NEK5: variants seen among roughly 807,000 people sequenced by gnomAD.
The protein encoded by NEK5 is serine/threonine-protein kinase Nek5.
In NEK5, 88 loss-of-function variants were observed where a neutral mutation model predicts 109.2. The observed-to-expected ratio is 0.81, with a 90% CI of 0.68 to 0.96. NEK5 has a LOEUF of 0.96. Among genes scored for constraint, NEK5 ranks in the 40% least tolerant of loss-of-function variants. The probability of loss-of-function intolerance (pLI) is 0.00; values close to 1 mark genes in which losing one functional copy is unlikely to be tolerated. For missense variants in NEK5, 834 were observed against 920.7 expected (o/e 0.91, Z 1.22); for synonymous variants, 283 against 299.9 (o/e 0.94, Z 0.58).
intron 20 of NEK5, among the ~76,000 whole-genome samples, chr13:52,067,676 ATTT>A (rs33986940): frequency 2.5e-5 from 3 of 120,158 alleles, no homozygotes; most frequent in Non-Finnish European, 3.3e-5. Context: ...ACACCACGTC[ATTT>A]TTTTTTTTTT....
At chr13:52,070,603 C>T (rs1954768211) in intron 20 of NEK5, among the ~76,000 whole-genome samples, 1 of 152,182 alleles carries the variant, frequency 6.6e-6, no homozygotes, top group Non-Finnish European at 1.5e-5. Flanking sequence ...CTTGCTTTTC[C>T]TTGCCTTCCA....
At chr13:52,044,104 G>A (rs1954437153) in intron 23 of NEK5, among the ~76,000 whole-genome samples, 1 of 152,174 alleles carries the variant, frequency 6.6e-6, no homozygotes, top group Non-Finnish European at 1.5e-5. Context: ...TGAAAAGAGA[G>A]ACTGGCCTAG....
chr13:52,068,176 C>G (rs1311246287), intron 20 of NEK5, among the ~76,000 whole-genome samples: 1 of 152,112 alleles, frequency 6.6e-6, no homozygotes, highest in Non-Finnish European at 1.5e-5. Context: ...CTTGGGTCCC[C>G]TCTCCACAGT....
At chr13:52,076,798 T>C (rs991039263) in intron 17 of NEK5, among the ~76,000 whole-genome samples, 1 of 152,140 alleles carries the variant, frequency 6.6e-6, no homozygotes, top group African/African-American at 2.4e-5. Flanking sequence ...ATTATCTTCA[T>C]CTTAATATTC....
chr13:52,109,433 A>G (rs1384263789), intron 7 of NEK5, among the ~76,000 whole-genome samples: 1 of 152,200 alleles, frequency 6.6e-6, no homozygotes, highest in Non-Finnish European at 1.5e-5. Context: ...CAGGCCTGAA[A>G]GGAATCAAAA....
Position 52,101,089 on chromosome 13 carries a change from T to A in NEK5, c.892+844A>T, listed in dbSNP as rs531676203. 2.0e-5 allele frequency among the ~76,000 whole-genome samples: 3 copies of A among 152,236 alleles called. No homozygotes were observed. In the South Asian group the frequency reaches 6.2e-4, roughly 32 times the overall value. ...TCTGACACACAGCTTAGCTGATTCT[T>A]GACACCAGGACTAAAATAGTTTTCT... On this transcript the variant is annotated intron_variant, in intron 11 of 23. Coordinates refer to ENST00000684899, the MANE Select transcript of NEK5 (RefSeq NM_001365552.1).
At chr13:52,116,178 C>CAAA (rs35020086) in intron 4 of NEK5, among the ~76,000 whole-genome samples, 2,846 of 115,734 alleles carry the variant, frequency 0.025, 104 homozygotes, top group Admixed American at 0.077. Flanking sequence ...AAGACTGTCT[C>CAAA]AAAAAAAAAA....
intron 17 of NEK5, among the ~76,000 whole-genome samples, chr13:52,082,495 C>T (rs1262913197): frequency 6.6e-6 from 1 of 152,112 alleles, no homozygotes; most frequent in African/African-American, 2.4e-5. Flanking sequence ...CAGGTCATTT[C>T]ACAGGTTTAA....
intron 22 of NEK5, among the ~76,000 whole-genome samples, chr13:52,058,449 C>A (rs1163165859): frequency 6.7e-6 from 1 of 150,044 alleles, no homozygotes; most frequent in Non-Finnish European, 1.5e-5. Flanking sequence ...TTGGAAAAAA[C>A]TACTTTAAAG....
At chr13:52,108,164 T>G (rs1295276728) in intron 8 of NEK5, among the ~76,000 whole-genome samples, 154 bp downstream of exon 8, 3 of 152,134 alleles carry the variant, frequency 2.0e-5, no homozygotes, top group Non-Finnish European at 4.4e-5. Flanking sequence ...CAACCCTCAG[T>G]TTGGTCCAGA....
chr13:52,061,482 A>C (rs569595567), intron 22 of NEK5, among the ~76,000 whole-genome samples: 1 of 152,356 alleles, frequency 6.6e-6, no homozygotes, highest in African/African-American at 2.4e-5. Flanking sequence ...TGGGATAGTA[A>C]TTTGAGTCCA....
At position 52,102,030 on chromosome 13, in the gene NEK5, C is replaced by G; in HGVS notation, c.811-16G>C. On this transcript the variant is annotated splice_polypyrimidine_tract_variant and intron_variant, in intron 10 of 23. Coordinates refer to ENST00000684899, the MANE Select transcript of NEK5 (RefSeq NM_001365552.1). ...CCTGAATGACCTAAAACCGAACACA[C>G]GTGTCAAGGACCTGCAACCCAAAAT... 1 of 1,612,950 alleles carries G rather than the reference C, an allele frequency of 6.2e-7. No individual in the cohort carries two copies. Among genetic ancestry groups the G allele is most frequent in the East Asian group, 2.2e-5 (1 of 44,880 alleles).
At chr13:52,079,330 C>A (rs796268296) in intron 17 of NEK5, among the ~76,000 whole-genome samples, 4 of 144,166 alleles carry the variant, frequency 2.8e-5, no homozygotes, top group Non-Finnish European at 6.2e-5. Context: ...CCTCTTTCCA[C>A]GGTCTCCCTC....
In NEK5 at chr13:52,093,333, G is replaced by A; in HGVS notation, c.1027-98C>T. On this transcript the variant is annotated intron_variant, in intron 12 of 23. Coordinates refer to ENST00000684899, the MANE Select transcript of NEK5 (RefSeq NM_001365552.1). Reference sequence around the variant, plus strand: ...CTAGCACTTTGGGAGGCTGAGGCGGGTGGATCACCTGAGGTCAGGAGTTCA... The same window carrying A: ...CTAGCACTTTGGGAGGCTGAGGCGGATGGATCACCTGAGGTCAGGAGTTCA... The A allele has an allele frequency of 3.7e-6, 3 of 812,454 alleles. No homozygotes were observed. In the East Asian group the frequency reaches 7.5e-5, roughly 20 times the overall value. 50.3% of individuals were successfully genotyped at this position (812,454 alleles called of 1,614,324 possible). A position where few individuals can be genotyped will look rare whatever the true frequency, so the allele number is the denominator to read the frequency against.
chr13:52,101,779 T>C (rs1228444197), intron 11 of NEK5, among the ~76,000 whole-genome samples, 154 bp downstream of exon 11: 2 of 152,196 alleles, frequency 1.3e-5, no homozygotes, highest in African/African-American at 2.4e-5. Flanking sequence ...CACTCACTAG[T>C]TGCCATTTGA....
chr13:52,058,490 G>A (rs1330090111), intron 22 of NEK5, among the ~76,000 whole-genome samples: 6 of 151,568 alleles, frequency 4.0e-5, no homozygotes, highest in Admixed American at 6.6e-5. Flanking sequence ...AGCCTGCATC[G>A]CCAAGTCAAT....
intron 21 of NEK5, among the ~76,000 whole-genome samples, chr13:52,064,477 C>T (rs1178717378): frequency 4.1e-5 from 6 of 146,544 alleles, no homozygotes; most frequent in South Asian, 2.2e-4. Context: ...CCCGGCCAGC[C>T]GCCCCGTCTG....
At chr13:52,053,792 G>A (rs1954528865) in intron 22 of NEK5, among the ~76,000 whole-genome samples, 1 of 152,128 alleles carries the variant, frequency 6.6e-6, no homozygotes, top group Non-Finnish European at 1.5e-5. Flanking sequence ...TTAAGCCCTA[G>A]CATTTTGCCT....
At chr13:52,079,458 C>A (rs961624079) in intron 17 of NEK5, among the ~76,000 whole-genome samples, 1 of 152,234 alleles carries the variant, frequency 6.6e-6, no homozygotes, top group African/African-American at 2.4e-5. Flanking sequence ...CACCGCCACG[C>A]CTGACTGGTT....
Sources: gnomAD v4.1 joint callset for allele counts (sites outside exome capture counted in the v4.1 genomes callset) on GRCh38, gnomAD v4.1.1 for gene constraint, MANE v1.5 for transcripts, NCBI Gene and HGNC (gene_info 2026-07-23, HGNC 2026-07-21) for gene names.